The following COBLL1 variants were observed in gnomAD, a reference collection of about 807,000 sequenced individuals.
The protein encoded by COBLL1 is cordon-bleu WH2 repeat protein like 1, also known as cordon-bleu protein-like 1.
A neutral mutation model predicts 94.8 loss-of-function variants in COBLL1; 50 were observed. The observed-to-expected ratio is 0.53, with a 90% confidence interval of 0.42 to 0.67. The LOEUF (loss-of-function observed/expected upper bound fraction) is 0.67, where lower values mean the gene tolerates loss of function less well. Among genes scored for constraint, COBLL1 ranks in the 30% least tolerant of loss-of-function variants. COBLL1 has a pLI of 0.00. For missense variants in COBLL1, 1,362 were observed against 1,348.7 expected, an observed-to-expected ratio of 1.01 and a Z score of -0.15; for synonymous variants, 448 against 473.8, an observed-to-expected ratio of 0.95 and a Z score of 0.71.
intron 2 of COBLL1, among the ~76,000 whole-genome samples, chr2:164,819,677 G>A (rs777426319): frequency 4.6e-5 from 7 of 152,056 alleles, no homozygotes; most frequent in Non-Finnish European, 1.0e-4. Context: ...ATAATCTTGG[G>A]TCCAGGTTTT....
chr2:164,715,410 GAAAAT>G (rs1685114564), intron 7 of COBLL1, among the ~76,000 whole-genome samples: 1 of 151,814 alleles, frequency 6.6e-6, no homozygotes, highest in African/African-American at 2.4e-5. Flanking sequence ...AAATGGAGGG[GAAAAT>G]AAAATATAAC....
At chr2:164,795,980 T>C (rs1683430179) in intron 2 of COBLL1, among the ~76,000 whole-genome samples, 1 of 152,114 alleles carries the variant, frequency 6.6e-6, no homozygotes, top group African/African-American at 2.4e-5. Context: ...AGACACTGTG[T>C]CTCCTGGTGA....
At chr2:164,660,191 T>A (rs780092292) in intron 2 of COBLL1, among the ~76,000 whole-genome samples, 1 of 152,178 alleles carries the variant, frequency 6.6e-6, no homozygotes, top group African/African-American at 2.4e-5. Flanking sequence ...TGGACTCTGA[T>A]AGCATAGCAC....
rs372668251 is a variant in COBLL1 at position 164,659,063 on chromosome 2, GA to G, written n.182-5150del. ...CCTGATGTTTGATAGGTGTTCCCTC[GA>G]AATTAAGAATTCCCTTTCTCTCCAT... On this transcript the variant is annotated intron_variant and non_coding_transcript_variant, in intron 2 of 2. Transcript: ENST00000495084. Among the ~76,000 whole-genome samples, 220 of 152,186 alleles carry G rather than the reference GA, an allele frequency of 1.4e-3. 2 individuals carry two copies. In the East Asian group the frequency reaches 0.018, roughly 12 times the overall value.
intron 2 of COBLL1, among the ~76,000 whole-genome samples, chr2:164,812,645 A>G (rs1342172014): frequency 1.3e-5 from 2 of 152,038 alleles, no homozygotes; most frequent in Non-Finnish European, 2.9e-5. Flanking sequence ...CTCCAGATAT[A>G]AAACAAGTAT....
At chr2:164,760,732 C>T (rs1339360943) in intron 2 of COBLL1, among the ~76,000 whole-genome samples, 1 of 151,870 alleles carries the variant, frequency 6.6e-6, no homozygotes, top group Non-Finnish European at 1.5e-5. Context: ...TCAAAGAAAA[C>T]TAGTAAAAAA....
chr2:164,658,085 G>T (rs1159494790), intron 2 of COBLL1, among the ~76,000 whole-genome samples: 5 of 152,094 alleles, frequency 3.3e-5, no homozygotes, highest in African/African-American at 1.2e-4. Context: ...TTTACCTCCT[G>T]TTGTTGCCTA....
In COBLL1 at chr2:164,728,025, G is replaced by T. The variant is rs146505664; in HGVS notation, c.605C>A (p.Thr202Lys). Residue 202 changes from threonine to lysine, a missense_variant, in exon 5 of 14, where the codon ACA (threonine) becomes AAA (lysine). Coordinates refer to ENST00000652658, the MANE Select transcript of COBLL1 (RefSeq NM_001365672.2). ...DYQSQEPLDL[T>K]KSLNDLGLRE... ...TAGTCCCAGGTCATTAAGAGATTTT[G>T]TCAAGTCAAGAGGCTCCTGCGATTG... 3 of 1,613,590 alleles carry T rather than the reference G, an allele frequency of 1.9e-6. No homozygotes were observed. Among genetic ancestry groups the T allele is most frequent in the African/African-American group, 1.3e-5 (1 of 74,910 alleles).
At chr2:164,686,536 T>A (rs1323611175) in intron 13 of COBLL1, among the ~76,000 whole-genome samples, 1 of 151,542 alleles carries the variant, frequency 6.6e-6, no homozygotes, top group Non-Finnish European at 1.5e-5. Flanking sequence ...TGCTTTCATA[T>A]AAAGGATTTA....
chr2:164,744,044 C>A (rs970024837), intron 2 of COBLL1, among the ~76,000 whole-genome samples, 169 bp from the exon 3 acceptor site: 1 of 151,934 alleles, frequency 6.6e-6, no homozygotes, highest in Admixed American at 6.6e-5. Flanking sequence ...ATTTTGTTTT[C>A]CTTTTCCAGT....
At chr2:164,770,860 G>T (rs909568938) in intron 2 of COBLL1, among the ~76,000 whole-genome samples, 1 of 152,018 alleles carries the variant, frequency 6.6e-6, no homozygotes, top group Non-Finnish European at 1.5e-5. Flanking sequence ...AACTTTTATA[G>T]CACAAGAATT....
chr2:164,738,732 G>T (rs566754708), intron 3 of COBLL1, among the ~76,000 whole-genome samples: 2 of 152,044 alleles, frequency 1.3e-5, no homozygotes, highest in African/African-American at 4.8e-5. Flanking sequence ...TTTTTTTTCA[G>T]ATTTTGAAGT....
intron 2 of COBLL1, among the ~76,000 whole-genome samples, chr2:164,787,123 G>GCT (rs1359600729): frequency 6.6e-6 from 1 of 152,096 alleles, no homozygotes; most frequent in Non-Finnish European, 1.5e-5. Flanking sequence ...TAAGGAATTG[G>GCT]ACATCTGGCT....
At chr2:164,694,131 T>A in intron 12 of COBLL1, 138 bp downstream of exon 12, 1 of 819,746 alleles carries the variant, frequency 1.2e-6, no homozygotes, top group Admixed American at 2.6e-5. Flanking sequence ...GTATCACCAC[T>A]CTCTTCACTA....
intron 7 of COBLL1, among the ~76,000 whole-genome samples, chr2:164,708,275 G>C (rs1684707302): frequency 6.6e-6 from 1 of 152,092 alleles, no homozygotes; most frequent in African/African-American, 2.4e-5. Flanking sequence ...ATGAGTTAAA[G>C]CCTGCCACCC....
chr2:164,792,913 T>A (rs1380465122), intron 2 of COBLL1, among the ~76,000 whole-genome samples: 1 of 152,008 alleles, frequency 6.6e-6, no homozygotes, highest in Non-Finnish European at 1.5e-5. Flanking sequence ...TCCTGGAATG[T>A]CTCCTTGGAA....
intron 2 of COBLL1, among the ~76,000 whole-genome samples, chr2:164,658,178 C>T (rs908719343): frequency 2.6e-5 from 4 of 152,090 alleles, no homozygotes; most frequent in Non-Finnish European, 4.4e-5. Flanking sequence ...AAGATGGAAG[C>T]GGTCACCTTC....
intron 13 of COBLL1, among the ~76,000 whole-genome samples, chr2:164,689,026 T>A (rs1683453087): frequency 6.6e-6 from 1 of 152,142 alleles, no homozygotes; most frequent in African/African-American, 2.4e-5. Flanking sequence ...ATTTGCTGAT[T>A]AATAAACCTT....
chr2:164,676,870 C>G (rs948916737), downstream of COBLL1, among the ~76,000 whole-genome samples: 1 of 152,108 alleles, frequency 6.6e-6, no homozygotes, highest in African/African-American at 2.4e-5. Context: ...CTCTCTAAAC[C>G]TGCTATTCAT....
Sources: allele counts gnomAD v4.1 joint callset (sites outside exome capture counted in the v4.1 genomes callset), GRCh38; gene constraint gnomAD v4.1.1; transcripts MANE v1.5; gene names NCBI Gene and HGNC (gene_info 2026-07-23, HGNC 2026-07-21).